The following SMOC1 variants were observed in gnomAD, a reference collection of about 807,000 sequenced individuals.
The protein encoded by SMOC1 is SPARC related modular calcium binding 1, also known as SPARC-related modular calcium-binding protein 1.
Under a neutral mutation model 56.3 loss-of-function variants are expected in SMOC1, and 22 were observed. That is an observed-to-expected ratio of 0.39 (90% CI 0.28 to 0.56). The LOEUF is 0.56. Ranked by LOEUF, SMOC1 falls within the 20% of genes least tolerant of loss-of-function variation. The pLI, the probability that SMOC1 is intolerant of heterozygous loss-of-function variation, is 0.61. For synonymous variants in SMOC1, 193 were observed against 215.0 expected (o/e 0.90, Z 0.89); for missense variants, 509 against 565.4 (o/e 0.90, Z 1.01).
chr14:69,890,030 T>C (rs965490928), intron 1 of SMOC1, among the ~76,000 whole-genome samples: 2 of 152,204 alleles, frequency 1.3e-5, no homozygotes, highest in African/African-American at 2.4e-5. Flanking sequence ...AACATAGCAT[T>C]ATTAGGATTA....
chr14:69,965,404 T>TAATAATAATAATAATAATA lies in SMOC1; in HGVS notation c.379-10309_379-10308insTAATAATAATAATAATAAA, dbSNP rs761154559. Among the ~76,000 whole-genome samples the TAATAATAATAATAATAATA allele has an allele frequency of 2.5e-4, 37 of 149,476 alleles. 1 individual carries two copies. The highest frequency in any genetic ancestry group is 1.3e-3 in the South Asian group (6 of 4,732). On this transcript the variant is annotated intron_variant, in intron 3 of 11. Coordinates refer to ENST00000361956, the MANE Select transcript of SMOC1 (RefSeq NM_001034852.3). ...ATAATAATAATAATAATAATAATAA[T>TAATAATAATAATAATAATA]AAAAAGATGACCAAAGGGATACCTG...
intron 7 of SMOC1, among the ~76,000 whole-genome samples, chr14:70,005,224 T>C (rs755209402): frequency 6.6e-6 from 1 of 152,238 alleles, no homozygotes; most frequent in Non-Finnish European, 1.5e-5. Flanking sequence ...GTTTCTGGGA[T>C]AAAAGACTAA....
At chr14:69,885,679 C>T in intron 1 of SMOC1, 1 of 1,448,332 alleles carries the variant, frequency 6.9e-7, no homozygotes, top group East Asian at 2.3e-5. Flanking sequence ...AAATCACCAC[C>T]AGCTGAGCTT....
chr14:69,897,240 C>G (rs1225347950), intron 1 of SMOC1, among the ~76,000 whole-genome samples: 1 of 152,194 alleles, frequency 6.6e-6, no homozygotes, highest in African/African-American at 2.4e-5. Flanking sequence ...CCCGCCAGGT[C>G]TCTTTCAGAA....
chr14:69,881,637 T>C (rs969266951), intron 1 of SMOC1, among the ~76,000 whole-genome samples: 4 of 152,172 alleles, frequency 2.6e-5, no homozygotes, highest in Middle Eastern at 3.2e-3. Flanking sequence ...CTTTCTTTTT[T>C]TCCCTCTTTC....
At chr14:69,960,003 C>T (rs1163195946) in intron 3 of SMOC1, among the ~76,000 whole-genome samples, 47 of 152,124 alleles carry the variant, frequency 3.1e-4, no homozygotes, top group East Asian at 1.9e-4. Context: ...CCTGTAGACT[C>T]GAGTTGTGTG....
At chr14:70,026,495 C>T (rs1344724696) in intron 11 of SMOC1, among the ~76,000 whole-genome samples, 1 of 152,218 alleles carries the variant, frequency 6.6e-6, no homozygotes, top group Non-Finnish European at 1.5e-5. Context: ...CCAGAGAAAA[C>T]TGAAGTAGAA....
At chr14:69,941,409 C>A (rs1252796280) in intron 1 of SMOC1, among the ~76,000 whole-genome samples, 7 of 152,182 alleles carry the variant, frequency 4.6e-5, no homozygotes, top group African/African-American at 1.7e-4. Flanking sequence ...TTCTTGGGGG[C>A]TGCTGATGGG....
intron 1 of SMOC1, among the ~76,000 whole-genome samples, chr14:69,918,690 G>A (rs1264886217): frequency 6.6e-6 from 1 of 152,154 alleles, no homozygotes; most frequent in Admixed American, 6.5e-5. Context: ...TCACAGGACT[G>A]TTTTAAGGTT....
chr14:69,965,553 G>A (rs1883544081), intron 3 of SMOC1, among the ~76,000 whole-genome samples: 1 of 152,086 alleles, frequency 6.6e-6, no homozygotes, highest in South Asian at 2.1e-4. Flanking sequence ...AAATAGGGAA[G>A]AACTTTTGAC....
chr14:69,997,366 G>A (rs914414572), intron 7 of SMOC1, among the ~76,000 whole-genome samples: 2 of 152,186 alleles, frequency 1.3e-5, no homozygotes, highest in Non-Finnish European at 2.9e-5. Context: ...CTTAGGTAGT[G>A]GATAGGGAGT....
chr14:69,885,266 CTTT>C (rs201984545), intron 1 of SMOC1: 46 of 716,344 alleles, frequency 6.4e-5, no homozygotes, highest in South Asian at 1.1e-4. Flanking sequence ...CGAACAACTT[CTTT>C]TTTTTTTTTT....
rs533389591 is a variant in SMOC1, at chr14:69,964,417, G to A, written c.378+10885G>A. 3.1e-3 allele frequency among the ~76,000 whole-genome samples: 450 copies of A among 146,636 alleles called. 1 individual carries two copies. The highest frequency in any genetic ancestry group is 4.7e-3 in the Non-Finnish European group (315 of 67,084). ...TTTTGAGACAGAGTCTCACTCTGTC[G>A]CCCAGGCTGGAGTGTAGTGGCGCGA... On this transcript the variant is annotated intron_variant, in intron 3 of 11. Transcript: ENST00000361956.
chr14:69,972,701 A>G (rs1241763870), intron 3 of SMOC1, among the ~76,000 whole-genome samples: 2 of 152,176 alleles, frequency 1.3e-5, no homozygotes, highest in Non-Finnish European at 2.9e-5. Context: ...CTCAGTGAGA[A>G]TGTGGCCCTT....
At chr14:69,927,218 C>T (rs1049557853) in intron 1 of SMOC1, among the ~76,000 whole-genome samples, 20 of 152,358 alleles carry the variant, frequency 1.3e-4, no homozygotes, top group Non-Finnish European at 2.5e-4. Flanking sequence ...GTTGTTGCAG[C>T]ATGCAAGGAG....
intron 7 of SMOC1, among the ~76,000 whole-genome samples, chr14:69,998,744 C>T (rs1884864284): frequency 6.6e-6 from 1 of 152,224 alleles, no homozygotes; most frequent in African/African-American, 2.4e-5. Flanking sequence ...GCTCCCAAGG[C>T]CCACCACTCA....
At chr14:69,998,822 T>A (rs1270598494) in intron 7 of SMOC1, among the ~76,000 whole-genome samples, 1 of 152,202 alleles carries the variant, frequency 6.6e-6, no homozygotes, top group African/African-American at 2.4e-5. Context: ...CTTCCCTCTT[T>A]GTTTTGTCAT....
At chr14:69,889,412 A>G (rs1252105418) in intron 1 of SMOC1, among the ~76,000 whole-genome samples, 2 of 152,196 alleles carry the variant, frequency 1.3e-5, no homozygotes, top group East Asian at 3.8e-4. Flanking sequence ...CTATGATGGC[A>G]TGTGTCACCA....
intron 5 of SMOC1, among the ~76,000 whole-genome samples, chr14:69,980,324 C>T (rs1884132051): frequency 6.6e-6 from 1 of 152,186 alleles, no homozygotes; most frequent in South Asian, 2.1e-4. Context: ...TGGGTCCCTT[C>T]CTCCAAGATG....
Sources: allele counts gnomAD v4.1 joint callset (sites outside exome capture counted in the v4.1 genomes callset), GRCh38; gene constraint gnomAD v4.1.1; transcripts MANE v1.5; gene names NCBI Gene and HGNC (gene_info 2026-07-23, HGNC 2026-07-21).